Variants in DENND1A observed in about 807,000 individuals in gnomAD.
DENND1A encodes the protein DENN domain-containing protein 1A.
DENND1A carries 51 observed loss-of-function variants against 113.7 expected under a neutral mutation model. That is an observed-to-expected ratio of 0.45 (90% confidence interval 0.36 to 0.57). The LOEUF is 0.57. DENND1A is among the 20% of genes least tolerant of loss of function. The pLI, the probability that DENND1A is intolerant of heterozygous loss-of-function variation, is 0.00. For missense variants in DENND1A, 1,258 were observed against 1,395.9 expected (o/e 0.90, Z 1.57); for synonymous variants, 565 against 570.8 (o/e 0.99, Z 0.14).
intron 13 of DENND1A, among the ~76,000 whole-genome samples, chr9:123,549,866 A>T (rs2056934690): frequency 6.6e-6 from 1 of 152,224 alleles, no homozygotes; most frequent in African/African-American, 2.4e-5. Flanking sequence ...AATCAGTGGG[A>T]CTATGGTGCT....
chr9:123,792,780 A>G (rs1283130236), intron 2 of DENND1A, 150 bp from the exon 3 acceptor site: 1 of 707,732 alleles, frequency 1.4e-6, no homozygotes, highest in Non-Finnish European at 2.2e-6. Context: ...AGCACAAGGA[A>G]GGACTCGGCA....
At chr9:123,709,212 G>GT (rs996291080) in intron 5 of DENND1A, among the ~76,000 whole-genome samples, 6 of 152,208 alleles carry the variant, frequency 3.9e-5, no homozygotes, top group African/African-American at 1.4e-4. Context: ...AGCAGACTCT[G>GT]TAACTAAGGC....
chr9:123,568,221 C>T (rs980618019), intron 12 of DENND1A, among the ~76,000 whole-genome samples: 2 of 152,202 alleles, frequency 1.3e-5, no homozygotes, highest in Non-Finnish European at 2.9e-5. Context: ...TGGGCTCAGC[C>T]CGACCTGAGT....
intron 1 of DENND1A, among the ~76,000 whole-genome samples, chr9:123,886,018 T>C (rs1279366093): frequency 3.3e-5 from 5 of 152,204 alleles, no homozygotes; most frequent in African/African-American, 9.7e-5. Flanking sequence ...CCTCAACTTA[T>C]CTGCCCGTCT....
chr9:123,609,847 A>G (rs2060333939), intron 10 of DENND1A, among the ~76,000 whole-genome samples: 1 of 152,248 alleles, frequency 6.6e-6, no homozygotes, highest in Non-Finnish European at 1.5e-5. Flanking sequence ...AATGATCAGC[A>G]GAGTTCTAAT....
intron 8 of DENND1A, among the ~76,000 whole-genome samples, chr9:123,663,728 T>C (rs186764284): frequency 2.0e-4 from 30 of 152,144 alleles, no homozygotes; most frequent in Admixed American, 1.9e-3. Flanking sequence ...TACAACAAAA[T>C]ATTTGTAAAG....
intron 11 of DENND1A, among the ~76,000 whole-genome samples, chr9:123,605,011 A>T (rs1384648698): frequency 6.6e-6 from 1 of 152,194 alleles, no homozygotes; most frequent in Non-Finnish European, 1.5e-5. Context: ...CACAGCCATT[A>T]TCCTCAGTTT....
chr9:123,467,394 G>A (rs1378333608), intron 13 of DENND1A, among the ~76,000 whole-genome samples: 2 of 152,152 alleles, frequency 1.3e-5, no homozygotes, highest in African/African-American at 4.8e-5. Flanking sequence ...GGTGGCTCAC[G>A]CCTGTAATCC....
intron 9 of DENND1A, among the ~76,000 whole-genome samples, chr9:123,632,376 A>G (rs1440998056): frequency 6.6e-6 from 1 of 152,094 alleles, no homozygotes; most frequent in African/African-American, 2.4e-5. Flanking sequence ...GGTGATATAG[A>G]TATATATATC....
intron 2 of DENND1A, among the ~76,000 whole-genome samples, chr9:123,824,626 T>C (rs1839016695): frequency 6.6e-6 from 1 of 152,174 alleles, no homozygotes; most frequent in African/African-American, 2.4e-5. Flanking sequence ...AAATAGCTAT[T>C]TTTCCAAATG....
intron 2 of DENND1A, among the ~76,000 whole-genome samples, chr9:123,845,776 G>T (rs1186640329): frequency 6.9e-6 from 1 of 145,512 alleles, no homozygotes; most frequent in Non-Finnish European, 1.5e-5. Flanking sequence ...AAACTTAGAA[G>T]AAAACACAGA....
chr9:123,472,410 C>G (rs1255682693), intron 13 of DENND1A, among the ~76,000 whole-genome samples: 1 of 152,176 alleles, frequency 6.6e-6, no homozygotes, highest in Non-Finnish European at 1.5e-5. Flanking sequence ...ACGTCATGGA[C>G]AGGGTGAGCA....
At chr9:123,412,723 C>A (rs1339121867) in intron 19 of DENND1A, among the ~76,000 whole-genome samples, 1 of 152,188 alleles carries the variant, frequency 6.6e-6, no homozygotes, top group Non-Finnish European at 1.5e-5. Context: ...GCATGGGAGA[C>A]AGGGAGGCTG....
intron 5 of DENND1A, among the ~76,000 whole-genome samples, chr9:123,709,398 A>T (rs1461769661): frequency 1.3e-5 from 2 of 152,192 alleles, no homozygotes; most frequent in East Asian, 3.8e-4. Context: ...CTCTGCTCTA[A>T]CACATTCTCT....
Position 123,502,716 on chromosome 9 carries a change from C to T in DENND1A, c.994-44819G>A, listed in dbSNP as rs555090720. On this transcript the variant is annotated intron_variant, in intron 13 of 23. Transcript: ENST00000394215. ...AGTCCAATTTGTCTAGTTTTTCTTTCGTAGCCTGTGCCTTTGGTGTCATAG... is the reference window on the plus strand; with the variant it reads ...AGTCCAATTTGTCTAGTTTTTCTTTTGTAGCCTGTGCCTTTGGTGTCATAG... Among the ~76,000 whole-genome samples the T allele has an allele frequency of 3.4e-4, 52 of 152,300 alleles. No individual in the cohort carries two copies. The South Asian group carries it at 4.1e-3, about 12-fold the overall frequency.
At chr9:123,701,905 A>G (rs1404135368) in intron 5 of DENND1A, among the ~76,000 whole-genome samples, 1 of 152,264 alleles carries the variant, frequency 6.6e-6, no homozygotes, top group Non-Finnish European at 1.5e-5. Context: ...CAGAAGGTCA[A>G]TGCATGACTA....
intron 16 of DENND1A, among the ~76,000 whole-genome samples, chr9:123,453,130 C>A (rs911801864): frequency 6.6e-6 from 1 of 152,176 alleles, no homozygotes; most frequent in South Asian, 2.1e-4. Flanking sequence ...CCTGCAGACA[C>A]GTCGTGAGGG....
chr9:123,403,311 A>G, intron 21 of DENND1A, 91 bp downstream of exon 21: 2 of 1,366,970 alleles, frequency 1.5e-6, no homozygotes, highest in Non-Finnish European at 2.0e-6. Context: ...GAAGCCTCAC[A>G]AAGGCCGGGG....
intron 6 of DENND1A, among the ~76,000 whole-genome samples, chr9:123,674,337 C>G (rs368990218): frequency 0.023 from 2,906 of 126,978 alleles, 43 homozygotes; most frequent in South Asian, 0.057. Context: ...GTCTCTGTCT[C>G]TCTCTCACAC....
Sources: allele counts gnomAD v4.1 joint callset (sites outside exome capture counted in the v4.1 genomes callset), GRCh38; gene constraint gnomAD v4.1.1; transcripts MANE v1.5; gene names NCBI Gene and HGNC (gene_info 2026-07-23, HGNC 2026-07-21).